The following GDF1 variants were observed in gnomAD, a reference collection of about 807,000 sequenced individuals.
GDF1 encodes growth differentiation factor 1.
In GDF1, 8 loss-of-function variants were observed where a neutral mutation model predicts 7.4. That is an observed-to-expected ratio of 1.09 (90% CI 0.64 to 1.96). The LOEUF is 1.96. Among genes scored for constraint, GDF1 ranks in the 30% most tolerant of loss-of-function variants. The pLI is 0.00. For synonymous variants in GDF1, 311 were observed against 276.7 expected (o/e 1.12, Z -1.23); for missense variants, 574 against 551.5 (o/e 1.04, Z -0.41).
chr19:18,885,269 T>C (rs1048826974), intron 2 of GDF1, among the ~76,000 whole-genome samples: 8 of 151,512 alleles, frequency 5.3e-5, no homozygotes, highest in Non-Finnish European at 7.4e-5. Flanking sequence ...GGTGTGATCA[T>C]AGTTCACTGC....
intron 3 of GDF1, 54 bp downstream of exon 3, chr19:18,884,033 C>T: frequency 6.4e-7 from 1 of 1,566,842 alleles, no homozygotes. Flanking sequence ...ACATCAGCCT[C>T]CGCACTCTGT....
At position 18,896,023 on chromosome 19, in the gene GDF1, G is replaced by C; in HGVS notation, c.-1273C>G. 1.0e-6 allele frequency: 1 copy of C among 1,002,998 alleles called. No homozygotes were observed. The highest frequency in any genetic ancestry group is 1.2e-6 in the Non-Finnish European group (1 of 842,586). 62.1% of individuals were successfully genotyped at this position (1,002,998 alleles called of 1,614,324 possible). On this transcript the variant is annotated 5_prime_UTR_variant, in exon 1 of 8. Coordinates refer to ENST00000247005, the MANE Select transcript of GDF1 (RefSeq NM_001492.6). The surrounding 1 kb of genome is among the most constrained non-coding windows in gnomAD (Gnocchi z 5.9). ...GCGCTGCACTAGCTGCGCGTAGCTC[G>C]GCATGGGCTCGGGCCCCGTCGGCCC...
Position 18,880,261 on chromosome 19 carries a change from C to G in GDF1, c.-571+13G>C, listed in dbSNP as rs1439439062. On this transcript the variant is annotated intron_variant, in intron 4 of 7. Transcript: ENST00000247005. ...CACACCTCCCTCCCTGCCCAGCACTCCCTACCACTCACCAGCTGAAGCCGA... is the reference window on the plus strand; with the variant it reads ...CACACCTCCCTCCCTGCCCAGCACTGCCTACCACTCACCAGCTGAAGCCGA... 6.5e-7 allele frequency: 1 copy of G among 1,544,786 alleles called. No homozygotes were observed. The highest frequency in any genetic ancestry group is 8.7e-7 in the Non-Finnish European group (1 of 1,144,026).
chr19:18,893,519 G>C lies in GDF1; in HGVS notation c.-1017C>G. ...CCAGGTAGAAGAGAAACTTCCAAGCGCTCTCGGGCATCTTGGCGGCATCTC... is the reference window on the plus strand; with the variant it reads ...CCAGGTAGAAGAGAAACTTCCAAGCCCTCTCGGGCATCTTGGCGGCATCTC... On this transcript the variant is annotated 5_prime_UTR_variant, in exon 2 of 8. Coordinates refer to ENST00000247005, the MANE Select transcript of GDF1 (RefSeq NM_001492.6). The C allele has an allele frequency of 6.2e-7, 1 of 1,610,686 alleles. No individual in the cohort carries two copies.
chr19:18,877,090 C>T (rs765049514), intron 6 of GDF1, among the ~76,000 whole-genome samples: 26 of 152,206 alleles, frequency 1.7e-4, no homozygotes, highest in Admixed American at 2.6e-4. Flanking sequence ...GCACTAACTC[C>T]GGCTGTCCTT....
Position 18,880,452 on chromosome 19 carries a change from C to A in GDF1, c.-732-17G>T. ...TTGTGGTACCTGGGGGAGCAGCAGG[C>A]AGAGAGGAGAGGGCAGCTCACATTG... On this transcript the variant is annotated splice_polypyrimidine_tract_variant and intron_variant, in intron 3 of 7. Transcript: ENST00000247005. 3.2e-6 allele frequency: 5 copies of A among 1,570,194 alleles called. No individual in the cohort carries two copies. The highest frequency in any genetic ancestry group is 1.7e-6 in the Non-Finnish European group (2 of 1,154,730).
rs778213666 is a variant in GDF1 at position 18,869,362 on chromosome 19, G to T, written c.354C>A (p.Ala118=). ...RGAPTRASEP[A]SAAGHCPEWT... ...ACTCAGGGCAATGCCCCGCGGCCGA[G>T]GCAGGCTCCGAGGCCCGGGTGGGCG... The change falls in exon 8 of 8, where the codon GCC becomes GCA. Residue 118 remains alanine (A), a synonymous_variant. Transcript: ENST00000247005. 6.5e-7 allele frequency: 1 copy of T among 1,532,248 alleles called. No individual in the cohort carries two copies. Among genetic ancestry groups the T allele is most frequent in the Admixed American group, 2.0e-5 (1 of 51,124 alleles). 94.9% of individuals were successfully genotyped at this position (1,532,248 alleles called of 1,614,324 possible).
chr19:18,890,482 C>T (rs2146059688), intron 2 of GDF1, among the ~76,000 whole-genome samples: 1 of 152,264 alleles, frequency 6.6e-6, no homozygotes, highest in African/African-American at 2.4e-5. Context: ...GTGTCATTTA[C>T]AAAAAGCAAC....
In GDF1 at chr19:18,878,205, G is replaced by C; in HGVS notation, c.-313+725C>G. On this transcript the variant is annotated intron_variant, in intron 6 of 7. Transcript: ENST00000247005. This position sits in a 1 kb window ranked among gnomAD's most constrained non-coding sequence, Gnocchi z 4.6. ...TCCACAACCTCCTGCCCCGGCTCCTGCTCAAACACTCCTCACGTTGCCTAT... is the reference window on the plus strand; with the variant it reads ...TCCACAACCTCCTGCCCCGGCTCCTCCTCAAACACTCCTCACGTTGCCTAT... 9 of 985,536 alleles carry C rather than the reference G, an allele frequency of 9.1e-6. No individual in the cohort carries two copies. The highest frequency in any genetic ancestry group is 1.1e-5 in the Non-Finnish European group (9 of 830,072). The allele number at this position is 985,536 out of a possible 1,614,324, so 61.0% of individuals were successfully genotyped here. A position where few individuals can be genotyped will look rare whatever the true frequency, so the allele number is the denominator to read the frequency against.
intron 3 of GDF1, among the ~76,000 whole-genome samples, chr19:18,881,225 T>TC: frequency 6.6e-6 from 1 of 151,562 alleles, no homozygotes; most frequent in Non-Finnish European, 1.5e-5. Context: ...TTTTTAATTT[T>TC]TTTTTTTTTT....
Position 18,895,149 on chromosome 19 carries a change from G to A in GDF1, c.-1074+675C>T, listed in dbSNP as rs868753528. Among the ~76,000 whole-genome samples the A allele has an allele frequency of 1.1e-3, 161 of 152,358 alleles. No homozygotes were observed. Among genetic ancestry groups the A allele is most frequent in the African/African-American group, 3.7e-3 (154 of 41,588 alleles). On this transcript the variant is annotated intron_variant, in intron 1 of 7. Transcript: ENST00000247005. The surrounding 1 kb of genome is among the most constrained non-coding windows in gnomAD (Gnocchi z 6.4). The stretch of plus-strand genomic sequence containing the variant: ...GTCACCTCCAAGGGAGCGACCACTG[G>A]CGTGGCCAGAGCACCCAGGCCCTTG...
rs770302380 is a variant in GDF1, at chr19:18,884,267, T to C, written c.-913A>G. On this transcript the variant is annotated splice_region_variant and 5_prime_UTR_variant, in exon 3 of 8. Coordinates refer to ENST00000247005, the MANE Select transcript of GDF1 (RefSeq NM_001492.6). ...TGGCACTGCCATGCCCGGCGTCCAG[T>C]CTGGGGAGAGCCAAATCTCACAGTC... 5 of 1,609,834 alleles carry C rather than the reference T, an allele frequency of 3.1e-6. No homozygotes were observed. The highest frequency in any genetic ancestry group is 2.5e-6 in the Non-Finnish European group (3 of 1,178,712).
chr19:18,895,453 T>A lies in GDF1; in HGVS notation c.-1074+371A>T, dbSNP rs2056602544. Among the ~76,000 whole-genome samples the A allele has an allele frequency of 6.7e-6, 1 of 149,608 alleles. No individual in the cohort carries two copies. The highest frequency in any genetic ancestry group is 1.5e-5 in the Non-Finnish European group (1 of 67,342). ...AAAGAGCGCGCGGTGGCCGGAGCCA[T>A]CCACCGCGCGGGGCCCCCTGGTCCC... On this transcript the variant is annotated intron_variant, in intron 1 of 7. Transcript: ENST00000247005. This position sits in a 1 kb window ranked among gnomAD's most constrained non-coding sequence, Gnocchi z 6.4.
At chr19:18,894,026 C>G (rs948566547) in intron 1 of GDF1, among the ~76,000 whole-genome samples, 2 of 151,470 alleles carry the variant, frequency 1.3e-5, no homozygotes, top group Non-Finnish European at 2.9e-5. Flanking sequence ...GGAAGCCGCC[C>G]CCTCAGTGGG....
chr19:18,892,050 T>C (rs1259616346), intron 2 of GDF1, among the ~76,000 whole-genome samples: 7 of 151,956 alleles, frequency 4.6e-5, no homozygotes, highest in African/African-American at 1.7e-4. Context: ...CGCGCCACCA[T>C]GCCTGGCTAA....
At chr19:18,882,516 C>T (rs2056237434) in intron 3 of GDF1, among the ~76,000 whole-genome samples, 1 of 151,494 alleles carries the variant, frequency 6.6e-6, no homozygotes, top group African/African-American at 2.4e-5. Context: ...CCTGTAATCC[C>T]AGCTACTTGG....
chr19:18,890,614 C>T (rs1334737669), intron 2 of GDF1, among the ~76,000 whole-genome samples: 1 of 150,328 alleles, frequency 6.7e-6, no homozygotes, highest in Non-Finnish European at 1.5e-5. Context: ...CCCATCTCTA[C>T]CAAAAAACAC....
At position 18,884,409 on chromosome 19, in the gene GDF1, C is replaced by A. The variant is rs143418789; in HGVS notation, c.-913-142G>T. ...GTGTCTGACTGCTGGCTTTCCATTCCCAATTCTATTTTTTTTTTTTTTTCT... is the reference window on the plus strand; with the variant it reads ...GTGTCTGACTGCTGGCTTTCCATTCACAATTCTATTTTTTTTTTTTTTTCT... On this transcript the variant is annotated intron_variant, in intron 2 of 7. Coordinates refer to ENST00000247005, the MANE Select transcript of GDF1 (RefSeq NM_001492.6). 8.8e-4 allele frequency: 649 copies of A among 737,030 alleles called. 6 individuals are homozygous for A. In the African/African-American group the frequency reaches 0.011, roughly 12 times the overall value. 45.7% of individuals were successfully genotyped at this position (737,030 alleles called of 1,614,324 possible). A position where few individuals can be genotyped will look rare whatever the true frequency, so the allele number is the denominator to read the frequency against.
At chr19:18,888,520 A>C (rs1418869881) in intron 2 of GDF1, among the ~76,000 whole-genome samples, 1 of 35,604 alleles carries the variant, frequency 2.8e-5, no homozygotes. Context: ...CCTGTCTCTT[A>C]AAAAAAAAAA....
Sources: gnomAD v4.1 joint callset for allele counts (sites outside exome capture counted in the v4.1 genomes callset) on GRCh38, gnomAD v4.1.1 for gene constraint, Gnocchi (gnomAD v3.1) non-coding constraint, MANE v1.5 for transcripts, NCBI Gene and HGNC (gene_info 2026-07-23, HGNC 2026-07-21) for gene names.